The following APOBEC3G variants were observed in gnomAD, a reference collection of about 807,000 sequenced individuals.
APOBEC3G encodes the protein DNA dC->dU-editing enzyme APOBEC-3G.
APOBEC3G carries 44 observed loss-of-function variants against 50.0 expected under a neutral mutation model. That is an observed-to-expected ratio of 0.88 (90% CI 0.69 to 1.13). The LOEUF (loss-of-function observed/expected upper bound fraction) is 1.13, where lower values mean the gene tolerates loss of function less well. Among genes scored for constraint, APOBEC3G ranks in the 50% most tolerant of loss-of-function variants. The pLI is 0.00. For missense variants in APOBEC3G, 469 were observed against 492.0 expected (o/e 0.95, Z 0.44); for synonymous variants, 156 against 175.3 (o/e 0.89, Z 0.87).
intron 5 of APOBEC3G, 31 bp downstream of exon 5, chr22:39,083,915 G>C: frequency 6.2e-7 from 1 of 1,605,392 alleles, no homozygotes; most frequent in South Asian, 1.1e-5. Flanking sequence ...CATCCAGGCA[G>C]GGCCCTCCCA....
At chr22:39,078,361 G>C (rs1476709360) in intron 1 of APOBEC3G, among the ~76,000 whole-genome samples, 1 of 152,214 alleles carries the variant, frequency 6.6e-6, no homozygotes, top group Admixed American at 6.5e-5. Flanking sequence ...AGTAAGAAGA[G>C]AGCCCGGTCC....
intron 2 of APOBEC3G, 65 bp from the exon 3 acceptor site, chr22:39,080,868 G>GC: frequency 1.7e-6 from 2 of 1,168,540 alleles, no homozygotes; most frequent in Non-Finnish European, 2.4e-6. Context: ...TCCTCCCCCT[G>GC]CCCCACCCCT....
chr22:39,077,984 G>C (rs1264566781), intron 1 of APOBEC3G, among the ~76,000 whole-genome samples: 1 of 152,206 alleles, frequency 6.6e-6, no homozygotes, highest in Non-Finnish European at 1.5e-5. Flanking sequence ...TAGTGGCCGG[G>C]TGCGGTGGCT....
At chr22:39,086,118 C>T (rs1306619325) in intron 5 of APOBEC3G, among the ~76,000 whole-genome samples, 161 bp from the exon 6 acceptor site, 1 of 151,762 alleles carries the variant, frequency 6.6e-6, no homozygotes, top group African/African-American at 2.4e-5. Flanking sequence ...CAGCCTGAAC[C>T]ACATGGAGAA....
At chr22:39,079,744 G>C (rs1479688714) in intron 2 of APOBEC3G, 1 of 152,124 alleles carries the variant, frequency 6.6e-6, no homozygotes, top group Non-Finnish European at 1.5e-5. Flanking sequence ...GAAATGAGCT[G>C]CGTGGGTCAC....
At position 39,083,793 on chromosome 22, in the gene APOBEC3G, G is replaced by A. The variant is rs1195105163; in HGVS notation, c.644G>A (p.Arg215Gln). 8.7e-6 allele frequency: 14 copies of A among 1,613,944 alleles called. No homozygotes were observed. Among genetic ancestry groups the A allele is most frequent in the East Asian group, 4.5e-5 (2 of 44,886 alleles). Reference sequence around the variant, plus strand: ...AACAATGAACCTTGGGTCAGAGGACGGCATGAGACTTACCTGTGTTATGAG... The same window carrying A: ...AACAATGAACCTTGGGTCAGAGGACAGCATGAGACTTACCTGTGTTATGAG... The part of the protein sequence containing the change: ...NFNNEPWVRG[R>Q]HETYLCYEVE... Residue 215 changes from arginine to glutamine, a missense_variant, in exon 5 of 8, where the codon CGG becomes CAG. Physicochemically the swap from Arg to Gln is conservative, Grantham distance 43 (BLOSUM62 1). Transcript: ENST00000407997.
upstream of APOBEC3G, chr22:39,077,023 C>T: frequency 4.5e-6 from 2 of 441,778 alleles, no homozygotes; most frequent in Non-Finnish European, 8.3e-6. Context: ...CTGGCTCAGC[C>T]TGGTGTGGAC....
intron 5 of APOBEC3G, 35 bp downstream of exon 5, chr22:39,083,919 C>A: frequency 6.2e-7 from 1 of 1,602,696 alleles, no homozygotes. Flanking sequence ...CAGGCAGGGC[C>A]CTCCCAACCC....
chr22:39,081,198 G>T lies in APOBEC3G; in HGVS notation c.437G>T (p.Arg146Leu). Residue 146 changes from arginine (R) to leucine (L), a missense_variant, in exon 3 of 8, where the codon CGT becomes CTT. Physicochemically the swap from Arg to Leu is moderately radical, Grantham distance 102. Coordinates refer to ENST00000407997, the MANE Select transcript of APOBEC3G (RefSeq NM_021822.4). ...CTGTGTCAGAAAAGAGACGGTCCGC[G>T]TGCCACCATGAAGATCATGAATTAT... ...RSLCQKRDGP[R>L]ATMKIMNYDE... The T allele has an allele frequency of 6.2e-7, 1 of 1,614,204 alleles. No individual in the cohort carries two copies. Among genetic ancestry groups the T allele is most frequent in the Non-Finnish European group, 8.5e-7 (1 of 1,180,034 alleles).
At chr22:39,078,744 C>G (rs1928283216) in intron 1 of APOBEC3G, 188 bp from the exon 2 acceptor site, 1 of 682,024 alleles carries the variant, frequency 1.5e-6, no homozygotes, top group East Asian at 3.0e-5. Context: ...CGGAATTTCG[C>G]TCTTGTCGCC....
intron 2 of APOBEC3G, chr22:39,080,214 G>C (rs1355330983): frequency 1.0e-5 from 8 of 797,916 alleles, no homozygotes; most frequent in Middle Eastern, 8.8e-4. Context: ...GCAGACCCTA[G>C]AGGGCCAGGC....
At chr22:39,078,884 C>T (rs55716261) in intron 1 of APOBEC3G, 48 bp from the exon 2 acceptor site, 10 of 1,609,150 alleles carry the variant, frequency 6.2e-6, no homozygotes, top group Admixed American at 5.0e-5. Context: ...CCCGGAGGGC[C>T]CCCAGGAGTG....
In APOBEC3G at chr22:39,086,543, A is replaced by G. The variant is rs1467990096; in HGVS notation, c.1000A>G (p.Lys334Glu). 6.2e-7 allele frequency: 1 copy of G among 1,608,666 alleles called. No individual in the cohort carries two copies. The highest frequency in any genetic ancestry group is 1.3e-5 in the African/African-American group (1 of 74,828). The change falls in exon 6 of 8, where the codon AAA becomes GAA. Residue 334 changes from lysine to glutamate, a missense_variant. Coordinates refer to ENST00000407997, the MANE Select transcript of APOBEC3G (RefSeq NM_021822.4). ...GCGCACCCTGGCCGAGGCTGGGGCC[A>G]AAATTTCAATAATGACATACAGTGG... ...GLRTLAEAGA[K>E]ISIMTYSEFK...
chr22:39,083,783 G>C lies in APOBEC3G; in HGVS notation c.634G>C (p.Val212Leu), dbSNP rs1237045384. The change falls in exon 5 of 8, where the codon GTC becomes CTC. Residue 212 changes from valine (V) to leucine (L), a missense_variant. Physicochemically the swap from Val to Leu is conservative, Grantham distance 32. Transcript: ENST00000407997. The stretch of plus-strand genomic sequence containing the variant: ...TTTCAACTTTAACAATGAACCTTGG[G>C]TCAGAGGACGGCATGAGACTTACCT... ...FTFNFNNEPWVRGRHETYLCY... is the reference protein window; with the variant it reads ...FTFNFNNEPWLRGRHETYLCY... The C allele has an allele frequency of 1.2e-6, 2 of 1,613,922 alleles. No homozygotes were observed. The highest frequency in any genetic ancestry group is 1.7e-5 in the Admixed American group (1 of 59,990).
chr22:39,085,809 C>T (rs1569086106), intron 5 of APOBEC3G, among the ~76,000 whole-genome samples: 1 of 151,818 alleles, frequency 6.6e-6, no homozygotes, highest in Non-Finnish European at 1.5e-5. Flanking sequence ...ATCGCTTGAA[C>T]CCGGGAGGTG....
At position 39,085,843 on chromosome 22, in the gene APOBEC3G, C is replaced by T. The variant is rs928318770; in HGVS notation, c.736-436C>T. ...TGGAGGTTGCAGTGAGCCAAGATGGCGCCACTGCACTCCAGCCTGAGTGAC... is the reference window on the plus strand; with the variant it reads ...TGGAGGTTGCAGTGAGCCAAGATGGTGCCACTGCACTCCAGCCTGAGTGAC... On this transcript the variant is annotated intron_variant, in intron 5 of 7. Transcript: ENST00000407997. Among the ~76,000 whole-genome samples, 6 of 152,096 alleles carry T rather than the reference C, an allele frequency of 3.9e-5. No homozygotes were observed. In the South Asian group the frequency reaches 6.2e-4, roughly 16 times the overall value.
At position 39,081,119 on chromosome 22, in the gene APOBEC3G, G is replaced by A. The variant is rs754997505; in HGVS notation, c.358G>A (p.Val120Ile). Residue 120 changes from valine (V) to isoleucine (I), a missense_variant, in exon 3 of 8, where the codon GTT becomes ATT. By Grantham distance (29) the Val-to-Ile change is conservative. Coordinates refer to ENST00000407997, the MANE Select transcript of APOBEC3G (RefSeq NM_021822.4). ...EDPKVTLTIFVARLYYFWDPD... is the reference protein window; with the variant it reads ...EDPKVTLTIFIARLYYFWDPD... Reference sequence around the variant, plus strand: ...CCCGAAGGTTACCCTGACCATCTTTGTTGCCCGCCTCTACTACTTCTGGGA... The same window carrying A: ...CCCGAAGGTTACCCTGACCATCTTTATTGCCCGCCTCTACTACTTCTGGGA... The A allele has an allele frequency of 5.6e-6, 9 of 1,614,212 alleles. No homozygotes were observed. Among genetic ancestry groups the A allele is most frequent in the Admixed American group, 1.7e-5 (1 of 60,016 alleles).
chr22:39,086,960 C>T (rs1283679555), intron 6 of APOBEC3G, 51 bp from the exon 7 acceptor site: 1 of 1,551,828 alleles, frequency 6.4e-7, no homozygotes, highest in Non-Finnish European at 8.7e-7. Flanking sequence ...CCTTTGGTGC[C>T]ACCACGATCC....
At chr22:39,078,834 G>GCC in intron 1 of APOBEC3G, 98 bp from the exon 2 acceptor site, 1 of 1,513,658 alleles carries the variant, frequency 6.6e-7, no homozygotes. Context: ...GATGGGGGAG[G>GCC]CCTAGAGCCG....
Sources: allele counts gnomAD v4.1 joint callset (sites outside exome capture counted in the v4.1 genomes callset), GRCh38; gene constraint gnomAD v4.1.1; transcripts MANE v1.5; gene names NCBI Gene and HGNC (gene_info 2026-07-23, HGNC 2026-07-21).